Variants in RSBN1L observed in about 807,000 individuals in gnomAD.
RSBN1L encodes lysine-specific demethylase RSBN1L.
RSBN1L carries 30 observed loss-of-function variants against 67.7 expected under a neutral mutation model. The observed-to-expected ratio is 0.44, with a 90% confidence interval of 0.33 to 0.60. The LOEUF (loss-of-function observed/expected upper bound fraction) is 0.60. Ranked by LOEUF, RSBN1L falls within the 20% of genes least tolerant of loss-of-function variation. RSBN1L has a pLI of 0.02. For synonymous variants in RSBN1L, 433 were observed against 387.0 expected (o/e 1.12, Z -1.39); for missense variants, 992 against 1,031.7 (o/e 0.96, Z 0.53).
chr7:77,738,991 A>AGT (rs1459737138), intron 2 of RSBN1L, among the ~76,000 whole-genome samples: 2 of 152,172 alleles, frequency 1.3e-5, no homozygotes, highest in African/African-American at 4.8e-5. Context: ...TCCTCTCCTC[A>AGT]GTGTGTAGTA....
rs149364063 is a variant in RSBN1L, at chr7:77,768,961, A to C, written c.1625+158A>C. On this transcript the variant is annotated intron_variant, in intron 5 of 7. Transcript: ENST00000334955. ...TACATGCTAATACAATTTGTTATAA[A>C]ACCTAAAATGTAAATAAAGCATGAG... 1.8e-3 allele frequency among the ~76,000 whole-genome samples: 272 copies of C among 152,388 alleles called. 1 individual carries two copies. Among genetic ancestry groups the C allele is most frequent in the African/African-American group, 6.1e-3 (254 of 41,596 alleles).
chr7:77,740,462 G>A (rs1478422782), intron 2 of RSBN1L, among the ~76,000 whole-genome samples: 1 of 152,116 alleles, frequency 6.6e-6, no homozygotes, highest in African/African-American at 2.4e-5. Context: ...GTCACAGGTA[G>A]GTAAATCATG....
At chr7:77,739,614 G>A (rs1273656882) in intron 2 of RSBN1L, among the ~76,000 whole-genome samples, 1 of 145,574 alleles carries the variant, frequency 6.9e-6, no homozygotes, top group Non-Finnish European at 1.5e-5. Flanking sequence ...TCGTGAGGCT[G>A]AGGCAGGAGA....
At chr7:77,741,703 AAAAG>A (rs1364815389) in intron 2 of RSBN1L, among the ~76,000 whole-genome samples, 3 of 151,816 alleles carry the variant, frequency 2.0e-5, no homozygotes, top group South Asian at 2.1e-4. Context: ...AAAAAAAAAA[AAAAG>A]AAAAGAAAAG....
At position 77,778,814 on chromosome 7, in the gene RSBN1L, T is replaced by C. The variant is rs762882520; in HGVS notation, c.2187T>C (p.Ala729=). 8.1e-6 allele frequency: 13 copies of C among 1,614,080 alleles called. No homozygotes were observed. In the African/African-American group the frequency reaches 1.6e-4, roughly 20 times the overall value. The change falls in exon 8 of 8, where the codon GCT becomes GCC. Residue 729 remains alanine, a synonymous_variant. Transcript: ENST00000334955. ...CTCACACTGACAACATGATTTGTGC[T>C]GTAAGCAAAGCCTCCTTGGATTCTG... ...LGPHTDNMIC[A]VSKASLDSVF... is the part of the protein sequence containing the mutation.
intron 1 of RSBN1L, among the ~76,000 whole-genome samples, chr7:77,720,245 A>G (rs912179175): frequency 3.3e-5 from 5 of 152,168 alleles, no homozygotes; most frequent in African/African-American, 9.7e-5. Flanking sequence ...GTTGGAAATA[A>G]TGCATATGTT....
intron 1 of RSBN1L, among the ~76,000 whole-genome samples, chr7:77,733,361 G>A (rs1202557804): frequency 6.6e-6 from 1 of 152,136 alleles, no homozygotes; most frequent in Non-Finnish European, 1.5e-5. Flanking sequence ...AGGGGTAACT[G>A]CAATTACGTT....
At chr7:77,774,554 C>G (rs1206105192) in intron 6 of RSBN1L, among the ~76,000 whole-genome samples, 1 of 152,090 alleles carries the variant, frequency 6.6e-6, no homozygotes, top group Non-Finnish European at 1.5e-5. Flanking sequence ...TGGTAAAACC[C>G]CATCTCTACT....
At chr7:77,739,711 GAAAAA>G (rs1158112982) in intron 2 of RSBN1L, among the ~76,000 whole-genome samples, 4 of 34,410 alleles carry the variant, frequency 1.2e-4, no homozygotes, top group African/African-American at 3.3e-4. Flanking sequence ...TTGGTCTCAG[GAAAAA>G]AAAAAAAAAA....
At position 77,696,983 on chromosome 7, in the gene RSBN1L, G is replaced by A; in HGVS notation, c.514G>A (p.Gly172Ser). The A allele has an allele frequency of 6.5e-7, 1 of 1,549,184 alleles. No individual in the cohort carries two copies. The highest frequency in any genetic ancestry group is 8.7e-7 in the Non-Finnish European group (1 of 1,155,248). Reference sequence around the variant, plus strand: ...GCGGGAGAAGGAGAGGAGGAGGCACGGTCTCGGTGGGGCCCGAGAGGCCGG... The same window carrying A: ...GCGGGAGAAGGAGAGGAGGAGGCACAGTCTCGGTGGGGCCCGAGAGGCCGG... ...EKREKERRRH[G>S]LGGAREAGGA... The change falls in exon 1 of 8, where the codon GGT becomes AGT. Residue 172 changes from glycine to serine, a missense_variant. Physicochemically the swap from Gly to Ser is moderately conservative, Grantham distance 56 (BLOSUM62 0). Coordinates refer to ENST00000334955, the MANE Select transcript of RSBN1L (RefSeq NM_198467.3).
chr7:77,745,323 A>G (rs1426133360), intron 2 of RSBN1L, among the ~76,000 whole-genome samples: 1 of 152,130 alleles, frequency 6.6e-6, no homozygotes, highest in Non-Finnish European at 1.5e-5. Flanking sequence ...AGCCTCAGGT[A>G]GTCTGTTAGT....
chr7:77,715,202 G>A (rs186822291), intron 1 of RSBN1L, among the ~76,000 whole-genome samples: 1 of 152,244 alleles, frequency 6.6e-6, no homozygotes, highest in Non-Finnish European at 1.5e-5. Context: ...AACCTGGGAG[G>A]CAGAGGTTGC....
intron 1 of RSBN1L, among the ~76,000 whole-genome samples, chr7:77,722,396 T>C (rs1415739498): frequency 1.3e-5 from 2 of 151,932 alleles, no homozygotes; most frequent in Non-Finnish European, 2.9e-5. Flanking sequence ...AGGAGTCAGG[T>C]AGGATAGTAC....
chr7:77,725,244 C>CTTTTTTTTTT lies in RSBN1L; in HGVS notation c.587-11154_587-11145dup, dbSNP rs779531960. Among the ~76,000 whole-genome samples, 251 of 73,612 alleles carry CTTTTTTTTTT rather than the reference C, an allele frequency of 3.4e-3. 24 individuals are homozygous for CTTTTTTTTTT. Among genetic ancestry groups the CTTTTTTTTTT allele is most frequent in the East Asian group, 0.015 (43 of 2,854 alleles). 48.3% of individuals were successfully genotyped at this position (73,612 alleles called of 152,430 possible). A position where few individuals can be genotyped will look rare whatever the true frequency, so the allele number is the denominator to read the frequency against. On this transcript the variant is annotated intron_variant, in intron 1 of 7. Transcript: ENST00000334955. ...TTCTTCCCTAGGGATAAGCCCCCCA[C>CTTTTTTTTTT]TTTTTTTTTTTTTTTTTTTTTGAGA...
intron 2 of RSBN1L, 21 bp from the exon 3 acceptor site, chr7:77,749,402 CA>C (rs1268972040): frequency 6.7e-7 from 1 of 1,491,808 alleles, no homozygotes; most frequent in Non-Finnish European, 8.9e-7. Flanking sequence ...TATGGAGTTT[CA>C]AAAAACATTT....
In RSBN1L at chr7:77,782,385, G is replaced by A. The variant is rs1457118096; in HGVS notation, c.*3217G>A. 1 of 152,130 alleles carries A rather than the reference G, an allele frequency of 6.6e-6. No individual in the cohort carries two copies. Among genetic ancestry groups the A allele is most frequent in the Non-Finnish European group, 1.5e-5 (1 of 68,034 alleles). The allele number at this position is 152,130 out of a possible 1,614,324, so 9.4% of individuals were successfully genotyped here. ...ACATAAAAACTAAGGTACCTCAGTG[G>A]AATCTGCTACAGTGCTTCCCCCTCC... On this transcript the variant is annotated 3_prime_UTR_variant, in exon 8 of 8. Coordinates refer to ENST00000334955, the MANE Select transcript of RSBN1L (RefSeq NM_198467.3).
intron 2 of RSBN1L, among the ~76,000 whole-genome samples, chr7:77,748,480 CTTTTTTTCTTTA>C (rs1791512493): frequency 6.6e-6 from 1 of 152,008 alleles, no homozygotes; most frequent in Admixed American, 6.6e-5. Context: ...ATAGATGATT[CTTTTTTTCTTTA>C]TTTTTTTCTT....
chr7:77,724,265 T>G (rs1791161567), intron 1 of RSBN1L, among the ~76,000 whole-genome samples: 1 of 152,118 alleles, frequency 6.6e-6, no homozygotes, highest in Non-Finnish European at 1.5e-5. Context: ...TGTTTTACTT[T>G]GAATTTTTTT....
intron 1 of RSBN1L, chr7:77,697,259 A>G (rs373559258): frequency 4.7e-6 from 2 of 423,546 alleles, no homozygotes; most frequent in East Asian, 3.9e-5. Context: ...AGAGAGGGGG[A>G]TGGCCGACAC....
Sources: gnomAD v4.1 joint callset for allele counts (sites outside exome capture counted in the v4.1 genomes callset) on GRCh38, gnomAD v4.1.1 for gene constraint, MANE v1.5 for transcripts, NCBI Gene and HGNC (gene_info 2026-07-23, HGNC 2026-07-21) for gene names.